The following CNOT4 variants were observed in gnomAD, a reference collection of about 807,000 sequenced individuals.
The protein encoded by CNOT4 is CCR4-NOT transcription complex subunit 4, also known as CCR4-associated factor 4.
In CNOT4, 8 loss-of-function variants were observed where a neutral mutation model predicts 73.8. The ratio of observed to expected loss-of-function variants is 0.11; its 90% CI spans 0.06 to 0.20. The LOEUF is 0.20. CNOT4 is among the 10% of genes least tolerant of loss of function. CNOT4 has a pLI of 1.00. For missense variants in CNOT4, 564 were observed against 883.4 expected (o/e 0.64, Z 4.58); for synonymous variants, 293 against 321.1 (o/e 0.91, Z 0.94).
chr7:135,434,396 A>G (rs1799029966), intron 2 of CNOT4, among the ~76,000 whole-genome samples: 2 of 152,238 alleles, frequency 1.3e-5, no homozygotes, highest in African/African-American at 4.8e-5. Context: ...TCTGGTGACC[A>G]GGAGACCAAG....
At chr7:135,380,310 T>C (rs1795774947) in intron 10 of CNOT4, among the ~76,000 whole-genome samples, 1 of 152,226 alleles carries the variant, frequency 6.6e-6, no homozygotes, top group Non-Finnish European at 1.5e-5. Flanking sequence ...CTAGTGGTTA[T>C]GTGTGTTGTC....
intron 3 of CNOT4, among the ~76,000 whole-genome samples, chr7:135,415,872 T>G (rs1797846478): frequency 6.6e-6 from 1 of 152,126 alleles, no homozygotes; most frequent in South Asian, 2.1e-4. Flanking sequence ...CTTTTTCCCC[T>G]ACTTTTCCTG....
At chr7:135,477,594 A>C (rs567488950) in intron 1 of CNOT4, among the ~76,000 whole-genome samples, 2 of 152,312 alleles carry the variant, frequency 1.3e-5, no homozygotes, top group East Asian at 3.9e-4. Flanking sequence ...TTTTCACTTT[A>C]CGTGACACTG....
chr7:135,380,553 G>A (rs1325728167), intron 10 of CNOT4, among the ~76,000 whole-genome samples: 2 of 152,198 alleles, frequency 1.3e-5, no homozygotes, highest in Non-Finnish European at 2.9e-5. Flanking sequence ...CTGCCAGCTG[G>A]TGGTCATTTT....
chr7:135,469,859 T>C (rs1057117565), intron 1 of CNOT4, among the ~76,000 whole-genome samples: 5 of 152,150 alleles, frequency 3.3e-5, no homozygotes, highest in African/African-American at 1.2e-4. Context: ...TCTTGATCTG[T>C]TGCCCAGGCT....
chr7:135,463,578 C>A (rs1476539586), intron 1 of CNOT4, among the ~76,000 whole-genome samples: 2 of 149,394 alleles, frequency 1.3e-5, no homozygotes, highest in African/African-American at 4.9e-5. Flanking sequence ...AACCAACCAC[C>A]GTGGAAGACA....
intron 1 of CNOT4, among the ~76,000 whole-genome samples, chr7:135,461,669 T>A (rs1263876767): frequency 6.6e-6 from 1 of 152,020 alleles, no homozygotes; most frequent in East Asian, 1.9e-4. Flanking sequence ...CCGTCTCTAC[T>A]AAAAATGCAA....
chr7:135,493,807 A>T (rs887617235), intron 1 of CNOT4, among the ~76,000 whole-genome samples: 2 of 152,218 alleles, frequency 1.3e-5, no homozygotes, highest in Admixed American at 1.3e-4. Context: ...GTCTCAGTAC[A>T]AAGGGCCTCC....
In CNOT4 at chr7:135,509,971, G is replaced by GA. The variant is rs1374631868; in HGVS notation, c.-176dup. ...AAGAAACCACCGAACGAGCGTCGGG[G>GA]AAAAAACTCTTCAGAACCGGGCCTG... On this transcript the variant is annotated 5_prime_UTR_variant, in exon 1 of 12. Coordinates refer to ENST00000541284, the MANE Select transcript of CNOT4 (RefSeq NM_001190850.2). 13 of 399,018 alleles carry GA rather than the reference G, an allele frequency of 3.3e-5. No individual in the cohort carries two copies. Among genetic ancestry groups the GA allele is most frequent in the African/African-American group, 4.1e-5 (2 of 48,608 alleles). 24.7% of individuals were successfully genotyped at this position (399,018 alleles called of 1,614,324 possible).
Position 135,394,435 on chromosome 7 carries a change from T to C in CNOT4, c.1130-20A>G. 6.4e-7 allele frequency: 1 copy of C among 1,567,010 alleles called. No individual in the cohort carries two copies. On this transcript the variant is annotated intron_variant, in intron 9 of 11. Coordinates refer to ENST00000541284, the MANE Select transcript of CNOT4 (RefSeq NM_001190850.2). ...TTGTTTCTGTTGGGAAGAAAAATAG[T>C]GATGAATATCAGATACATAGCTCAT... is the stretch of plus-strand genomic sequence containing the variant.
chr7:135,435,616 T>G (rs1016595266), intron 2 of CNOT4, among the ~76,000 whole-genome samples: 1 of 152,200 alleles, frequency 6.6e-6, no homozygotes, highest in Non-Finnish European at 1.5e-5. Context: ...TTGTTTCCTG[T>G]GTTAGGATCT....
chr7:135,485,795 C>T (rs1802682786), intron 1 of CNOT4, among the ~76,000 whole-genome samples: 1 of 152,150 alleles, frequency 6.6e-6, no homozygotes, highest in African/African-American at 2.4e-5. Flanking sequence ...AATGTTATCA[C>T]ACACTTAAAT....
At chr7:135,384,450 A>G in intron 10 of CNOT4, 2 of 444,232 alleles carry the variant, frequency 4.5e-6, no homozygotes, top group Non-Finnish European at 8.2e-6. Context: ...ACGCCCAGCT[A>G]ATTTTTTTGT....
intron 1 of CNOT4, chr7:135,508,972 A>G (rs893490110): frequency 4.6e-5 from 7 of 152,284 alleles, no homozygotes; most frequent in African/African-American, 1.4e-4. Context: ...AACAGAGCGA[A>G]TAAGCGACAA....
At chr7:135,418,361 A>C (rs1797988184) in intron 3 of CNOT4, among the ~76,000 whole-genome samples, 1 of 152,220 alleles carries the variant, frequency 6.6e-6, no homozygotes, top group African/African-American at 2.4e-5. Flanking sequence ...CAATATCACG[A>C]TGTCCTTCAC....
rs1041362900 is a variant in CNOT4, at chr7:135,362,685, A to G, written c.*200T>C. On this transcript the variant is annotated 3_prime_UTR_variant, in exon 12 of 12. Coordinates refer to ENST00000541284, the MANE Select transcript of CNOT4 (RefSeq NM_001190850.2). The stretch of plus-strand genomic sequence containing the variant: ...AACAGTGTCACTCAAATGCTGGATC[A>G]ACAAAAATTTTTACAATTAATAAAG... 1.1e-5 allele frequency: 8 copies of G among 720,070 alleles called. No individual in the cohort carries two copies. In the Admixed American group the frequency reaches 1.2e-4, roughly 11 times the overall value. 44.6% of individuals were successfully genotyped at this position (720,070 alleles called of 1,614,324 possible).
chr7:135,474,249 A>T (rs1339715249), intron 1 of CNOT4, among the ~76,000 whole-genome samples: 28 of 136,594 alleles, frequency 2.0e-4, no homozygotes, highest in South Asian at 4.9e-4. Context: ...AAGTGCTGGG[A>T]TTACAGGCAT....
At chr7:135,494,118 T>A (rs559985415) in intron 1 of CNOT4, among the ~76,000 whole-genome samples, 1 of 150,968 alleles carries the variant, frequency 6.6e-6, no homozygotes, top group Non-Finnish European at 1.5e-5. Context: ...GAGGAAGTCT[T>A]TGAGAAGGTA....
At chr7:135,403,546 G>A (rs1797111333) in intron 7 of CNOT4, among the ~76,000 whole-genome samples, 1 of 151,980 alleles carries the variant, frequency 6.6e-6, no homozygotes, top group Non-Finnish European at 1.5e-5. Context: ...TTGAGCTCGG[G>A]AATTAGAGGA....
Sources: gnomAD v4.1 joint callset for allele counts (sites outside exome capture counted in the v4.1 genomes callset) on GRCh38, gnomAD v4.1.1 for gene constraint, MANE v1.5 for transcripts, NCBI Gene and HGNC (gene_info 2026-07-23, HGNC 2026-07-21) for gene names.